The following SLC8A3 variants were observed in gnomAD, a reference collection of about 807,000 sequenced individuals.
The protein encoded by SLC8A3 is solute carrier family 8 member A3, also known as sodium/calcium exchanger 3.
Under a neutral mutation model 65.4 loss-of-function variants are expected in SLC8A3, and 37 were observed. The observed-to-expected ratio is 0.57, with a 90% CI of 0.44 to 0.74. The LOEUF is 0.74. Among genes scored for constraint, SLC8A3 ranks in the 30% least tolerant of loss-of-function variants. The pLI is 0.00. For synonymous variants in SLC8A3, 461 were observed against 444.5 expected, an observed-to-expected ratio of 1.04 and a Z score of -0.47; for missense variants, 1,112 against 1,172.1, an observed-to-expected ratio of 0.95 and a Z score of 0.75.
intron 3 of SLC8A3, among the ~76,000 whole-genome samples, chr14:70,058,093 A>C (rs1888367701): frequency 6.6e-6 from 1 of 151,146 alleles, no homozygotes; most frequent in African/African-American, 2.4e-5. Context: ...TTTAATCTCA[A>C]CTCTGAAGTC....
intron 2 of SLC8A3, among the ~76,000 whole-genome samples, chr14:70,145,715 G>A (rs141825108): frequency 8.7e-4 from 133 of 152,248 alleles, no homozygotes; most frequent in Non-Finnish European, 1.7e-3. Context: ...TGAAAGAAAC[G>A]TATAAACTCA....
intron 2 of SLC8A3, among the ~76,000 whole-genome samples, chr14:70,100,208 G>A (rs901014996): frequency 6.6e-6 from 1 of 152,198 alleles, no homozygotes; most frequent in Non-Finnish European, 1.5e-5. Context: ...GTGTTGCTTA[G>A]AAGGTGGTGC....
chr14:70,108,034 C>T (rs1248826090), intron 2 of SLC8A3, among the ~76,000 whole-genome samples: 3 of 151,482 alleles, frequency 2.0e-5, no homozygotes, highest in Non-Finnish European at 4.4e-5. Context: ...TCCCTCATGT[C>T]CACTTCAGTG....
At chr14:70,140,688 A>C in intron 2 of SLC8A3, among the ~76,000 whole-genome samples, 1 of 152,338 alleles carries the variant, frequency 6.6e-6, no homozygotes, top group Non-Finnish European at 1.5e-5. Context: ...TCTGGCAGGT[A>C]ATGTAGGTGT....
intron 2 of SLC8A3, among the ~76,000 whole-genome samples, chr14:70,074,138 C>G (rs1594939433): frequency 6.6e-6 from 1 of 152,184 alleles, no homozygotes; most frequent in African/African-American, 2.4e-5. Flanking sequence ...AATGCTGCCC[C>G]CTGGTGGTGT....
chr14:70,164,926 G>A (rs1440917648), intron 2 of SLC8A3, among the ~76,000 whole-genome samples: 1 of 152,186 alleles, frequency 6.6e-6, no homozygotes. Context: ...GAAGGCACAG[G>A]TTTCTACTTA....
chr14:70,143,706 G>A (rs1365502750), intron 2 of SLC8A3, among the ~76,000 whole-genome samples: 1 of 152,136 alleles, frequency 6.6e-6, no homozygotes, highest in East Asian at 1.9e-4. Context: ...GAATGGTTTG[G>A]TTGTGCACCC....
intron 2 of SLC8A3, among the ~76,000 whole-genome samples, chr14:70,162,333 A>G (rs1337040900): frequency 6.6e-6 from 1 of 152,210 alleles, no homozygotes; most frequent in Non-Finnish European, 1.5e-5. Context: ...CTAACTTTCT[A>G]TCATAGCTAG....
intron 1 of SLC8A3, among the ~76,000 whole-genome samples, chr14:70,175,948 T>C (rs1202737695): frequency 6.6e-6 from 1 of 152,180 alleles, no homozygotes; most frequent in African/African-American, 2.4e-5. Flanking sequence ...TTAGCCAGGT[T>C]GGTCTCGAAC....
chr14:70,103,101 A>G (rs1892642941), intron 2 of SLC8A3, among the ~76,000 whole-genome samples: 2 of 152,130 alleles, frequency 1.3e-5, no homozygotes, highest in South Asian at 4.1e-4. Flanking sequence ...AGAGCAAATA[A>G]TCAATGACTT....
At chr14:70,171,381 T>TG (rs1897520948) in intron 1 of SLC8A3, among the ~76,000 whole-genome samples, 1 of 152,236 alleles carries the variant, frequency 6.6e-6, no homozygotes, top group Admixed American at 6.5e-5. Context: ...TGTTTTCCTT[T>TG]GGCCCTGTAG....
intron 2 of SLC8A3, among the ~76,000 whole-genome samples, chr14:70,107,600 C>A (rs571545584): frequency 6.6e-6 from 1 of 152,192 alleles, no homozygotes; most frequent in South Asian, 2.1e-4. Flanking sequence ...CCAGTGGGGT[C>A]CTAACACAAT....
At chr14:70,179,081 G>C (rs1245043773) in intron 1 of SLC8A3, among the ~76,000 whole-genome samples, 1 of 152,184 alleles carries the variant, frequency 6.6e-6, no homozygotes, top group Non-Finnish European at 1.5e-5. Flanking sequence ...GAACAGGCAA[G>C]CATGTGTCTT....
intron 2 of SLC8A3, among the ~76,000 whole-genome samples, chr14:70,062,660 T>C (rs146293461): frequency 6.6e-6 from 1 of 152,360 alleles, no homozygotes; most frequent in East Asian, 1.9e-4. Flanking sequence ...TGCTAAGTGA[T>C]GCACGACTGT....
intron 3 of SLC8A3, among the ~76,000 whole-genome samples, chr14:70,058,420 G>A (rs893298979): frequency 2.6e-5 from 4 of 152,142 alleles, no homozygotes; most frequent in African/African-American, 9.7e-5. Context: ...AGAAAACATA[G>A]ACAATAAAAT....
intron 2 of SLC8A3, among the ~76,000 whole-genome samples, chr14:70,132,508 G>C (rs1055854638): frequency 2.6e-5 from 4 of 152,190 alleles, no homozygotes; most frequent in Non-Finnish European, 5.9e-5. Flanking sequence ...CACAGAAGCA[G>C]CATTGTCTGT....
chr14:70,167,126 A>G lies in SLC8A3; in HGVS notation c.1297T>C (p.Tyr433His). ...GDMSKTMYVD[Y>H]KTEDGSANAG... ...TTGGCAGAACCATCCTCTGTTTTGT[A>G]GTCCACATACATGGTCTTTGACATG... is the stretch of plus-strand genomic sequence containing the variant. Residue 433 changes from tyrosine (Y) to histidine (H), a missense_variant, in exon 2 of 7, where the codon TAC (tyrosine) becomes CAC (histidine). Transcript: ENST00000356921. 6.2e-7 allele frequency: 1 copy of G among 1,614,124 alleles called. No homozygotes were observed. The highest frequency in any genetic ancestry group is 8.5e-7 in the Non-Finnish European group (1 of 1,180,008).
chr14:70,119,669 C>T (rs781688933), intron 2 of SLC8A3, among the ~76,000 whole-genome samples: 17 of 152,316 alleles, frequency 1.1e-4, no homozygotes, highest in Admixed American at 7.8e-4. Flanking sequence ...AGAGAACAGC[C>T]TGAATTTTGG....
chr14:70,067,667 A>T (rs1191208811), intron 2 of SLC8A3, among the ~76,000 whole-genome samples: 2 of 152,216 alleles, frequency 1.3e-5, no homozygotes, highest in Non-Finnish European at 2.9e-5. Context: ...GGCTACTTTC[A>T]TGGAATGCCC....
Sources: allele counts gnomAD v4.1 joint callset (sites outside exome capture counted in the v4.1 genomes callset), GRCh38; gene constraint gnomAD v4.1.1; transcripts MANE v1.5; gene names NCBI Gene and HGNC (gene_info 2026-07-23, HGNC 2026-07-21).